Variants in ZBTB20 observed in about 807,000 individuals in gnomAD.
ZBTB20 encodes the protein zinc finger and BTB domain-containing protein 20.
In ZBTB20, 9 loss-of-function variants were observed where a neutral mutation model predicts 56.9. That is an observed-to-expected ratio of 0.16 (90% CI 0.10 to 0.28). ZBTB20 has a LOEUF of 0.28. ZBTB20 is among the 10% of genes least tolerant of loss of function. ZBTB20 has a pLI of 1.00. For synonymous variants in ZBTB20, 417 were observed against 420.7 expected, an observed-to-expected ratio of 0.99 and a Z score of 0.11; for missense variants, 655 against 1,003.0, an observed-to-expected ratio of 0.65 and a Z score of 4.69.
chr3:114,594,266 CTTT>C (rs1001656979), intron 6 of ZBTB20, among the ~76,000 whole-genome samples: 13 of 132,286 alleles, frequency 9.8e-5, no homozygotes, highest in African/African-American at 8.4e-5. Flanking sequence ...TTCTCATATT[CTTT>C]TTTTTTTTTT....
chr3:115,075,633 C>T (rs2082567658), intron 1 of ZBTB20, among the ~76,000 whole-genome samples: 1 of 152,078 alleles, frequency 6.6e-6, no homozygotes, highest in Non-Finnish European at 1.5e-5. Flanking sequence ...AAGTAAAGTA[C>T]ATCAACATGA....
At chr3:114,497,394 A>C (rs149335964) in intron 7 of ZBTB20, among the ~76,000 whole-genome samples, 1 of 152,144 alleles carries the variant, frequency 6.6e-6, no homozygotes, top group African/African-American at 2.4e-5. Context: ...TTTCCAGCCC[A>C]ATCTCATACT....
chr3:114,480,511 G>A (rs976952158), intron 7 of ZBTB20, among the ~76,000 whole-genome samples: 1 of 152,184 alleles, frequency 6.6e-6, no homozygotes, highest in African/African-American at 2.4e-5. Context: ...ATGATGTTCT[G>A]GAGGAGCACT....
chr3:114,899,928 T>C (rs2075040014), intron 4 of ZBTB20, among the ~76,000 whole-genome samples: 1 of 151,848 alleles, frequency 6.6e-6, no homozygotes, highest in Non-Finnish European at 1.5e-5. Flanking sequence ...GAAAATAAAC[T>C]CAAAAGCAGC....
intron 3 of ZBTB20, among the ~76,000 whole-genome samples, chr3:114,909,491 C>T (rs1430993159): frequency 6.6e-6 from 1 of 151,934 alleles, no homozygotes; most frequent in Non-Finnish European, 1.5e-5. Flanking sequence ...CCTAAGTGTA[C>T]AGTGTTTATA....
chr3:114,847,827 G>A (rs1327381478), intron 4 of ZBTB20, among the ~76,000 whole-genome samples: 1 of 152,112 alleles, frequency 6.6e-6, no homozygotes, highest in Non-Finnish European at 1.5e-5. Flanking sequence ...TGCACCCTGT[G>A]GGCCTTCAGT....
chr3:114,645,571 T>C (rs773472721), intron 6 of ZBTB20, among the ~76,000 whole-genome samples: 10 of 152,184 alleles, frequency 6.6e-5, no homozygotes, highest in African/African-American at 9.7e-5. Flanking sequence ...CAGTTTACAA[T>C]GCATAGCATT....
At chr3:114,706,015 G>C (rs532794681) in intron 5 of ZBTB20, among the ~76,000 whole-genome samples, 1 of 151,952 alleles carries the variant, frequency 6.6e-6, no homozygotes, top group African/African-American at 2.4e-5. Context: ...ATCTAGCCAC[G>C]GTCTATAGGA....
chr3:114,955,976 T>C (rs1422559056), intron 3 of ZBTB20, among the ~76,000 whole-genome samples: 6 of 152,118 alleles, frequency 3.9e-5, no homozygotes, highest in Non-Finnish European at 8.8e-5. Context: ...TGCCAAATAG[T>C]GATGGTTTTA....
At chr3:114,777,622 T>C (rs976621058) in intron 5 of ZBTB20, among the ~76,000 whole-genome samples, 31 of 152,194 alleles carry the variant, frequency 2.0e-4, no homozygotes, top group Admixed American at 7.2e-4. Flanking sequence ...TGTGGATAAA[T>C]AGGAACACTT....
At chr3:114,499,188 G>A (rs1329618669) in intron 7 of ZBTB20, among the ~76,000 whole-genome samples, 1 of 152,164 alleles carries the variant, frequency 6.6e-6, no homozygotes, top group African/African-American at 2.4e-5. Flanking sequence ...AGACTTGTCA[G>A]GGACAGGTAG....
intron 6 of ZBTB20, among the ~76,000 whole-genome samples, chr3:114,563,307 A>G (rs1226631085): frequency 6.6e-6 from 1 of 152,220 alleles, no homozygotes; most frequent in Non-Finnish European, 1.5e-5. Flanking sequence ...ACCTTGGGCC[A>G]GTTTGAACCG....
At chr3:114,668,686 T>C (rs1345715445) in intron 6 of ZBTB20, among the ~76,000 whole-genome samples, 1 of 152,068 alleles carries the variant, frequency 6.6e-6, no homozygotes, top group African/African-American at 2.4e-5. Flanking sequence ...AAGGGGAATT[T>C]AATTGTTAAG....
At chr3:114,395,430 C>T (rs191748874) in intron 7 of ZBTB20, among the ~76,000 whole-genome samples, 349 of 152,092 alleles carry the variant, frequency 2.3e-3, no homozygotes, top group Middle Eastern at 3.4e-3. Flanking sequence ...TTTTTAAGGT[C>T]CCTTAAAACT....
chr3:114,557,601 G>T (rs1002477230), intron 6 of ZBTB20, among the ~76,000 whole-genome samples: 8 of 151,850 alleles, frequency 5.3e-5, no homozygotes, highest in African/African-American at 1.9e-4. Flanking sequence ...CTTTAAGTCA[G>T]TTACCCTGAA....
At position 115,043,302 on chromosome 3, in the gene ZBTB20, T is replaced by C. The variant is rs191874094; in HGVS notation, c.-507+27917A>G. Among the ~76,000 whole-genome samples the C allele has an allele frequency of 7.4e-4, 113 of 152,104 alleles. 1 individual carries two copies. In the East Asian group the frequency reaches 0.015, roughly 20 times the overall value. On this transcript the variant is annotated intron_variant, in intron 2 of 11. Transcript: ENST00000675478. Reference sequence around the variant, plus strand: ...GGCCAGGCATGGTGGCTCACACCTGTAATCCCAGCACTCTGGGAGGCCAAG... The same window carrying C: ...GGCCAGGCATGGTGGCTCACACCTGCAATCCCAGCACTCTGGGAGGCCAAG...
intron 6 of ZBTB20, among the ~76,000 whole-genome samples, chr3:114,507,639 C>T (rs2044793857): frequency 6.6e-6 from 1 of 152,082 alleles, no homozygotes; most frequent in South Asian, 2.1e-4. Context: ...CTTCCTGACT[C>T]TCTTAAAATA....
At position 115,102,969 on chromosome 3, in the gene ZBTB20, T is replaced by TA. The variant is rs58202071; in HGVS notation, c.-702-31556dup. Reference sequence around the variant, plus strand: ...AACAGAGCAAGACTCCATCTCAAATTAAAAAAAAAAAAGGTGAAGAAGAAG... The same window carrying TA: ...AACAGAGCAAGACTCCATCTCAAATTAAAAAAAAAAAAAGGTGAAGAAGAAG... On this transcript the variant is annotated intron_variant, in intron 1 of 11. Coordinates refer to ENST00000675478, the MANE Select transcript of ZBTB20 (RefSeq NM_001348800.3). The TA allele has an allele frequency of 1.6e-3, 217 of 138,080 alleles. 1 individual carries two copies. The highest frequency in any genetic ancestry group is 3.1e-3 in the African/African-American group (118 of 37,728). The allele number at this position is 138,080 out of a possible 1,614,324, so 8.6% of individuals were successfully genotyped here.
chr3:114,372,890 T>C (rs1451438108), intron 10 of ZBTB20, among the ~76,000 whole-genome samples: 1 of 152,076 alleles, frequency 6.6e-6, no homozygotes, highest in Non-Finnish European at 1.5e-5. Flanking sequence ...GATTTACTGA[T>C]CAAAATCATC....
Sources: allele counts gnomAD v4.1 joint callset (sites outside exome capture counted in the v4.1 genomes callset), GRCh38; gene constraint gnomAD v4.1.1; transcripts MANE v1.5; gene names NCBI Gene and HGNC (gene_info 2026-07-23, HGNC 2026-07-21).